The following NAALADL2 variants were observed in gnomAD, a reference collection of about 807,000 sequenced individuals.
NAALADL2 encodes the protein inactive N-acetylated-alpha-linked acidic dipeptidase-like protein 2.
Under a neutral mutation model 87.2 loss-of-function variants are expected in NAALADL2, and 76 were observed. That is an observed-to-expected ratio of 0.87 (90% CI 0.72 to 1.05). NAALADL2 has a LOEUF of 1.05. NAALADL2 is among the 50% of genes least tolerant of loss of function. The pLI is 0.00. For missense variants in NAALADL2, 1,089 were observed against 945.8 expected, an observed-to-expected ratio of 1.15 and a Z score of -1.99; for synonymous variants, 354 against 331.0, an observed-to-expected ratio of 1.07 and a Z score of -0.75.
At chr3:175,380,292 AG>A (rs1767644018) in intron 5 of NAALADL2, among the ~76,000 whole-genome samples, 1 of 152,106 alleles carries the variant, frequency 6.6e-6, no homozygotes, top group South Asian at 2.1e-4. Context: ...CTACCCCACA[AG>A]GTTGCCCTAG....
chr3:175,008,970 C>A (rs1487478853), intron 1 of NAALADL2, among the ~76,000 whole-genome samples: 1 of 152,072 alleles, frequency 6.6e-6, no homozygotes, highest in Non-Finnish European at 1.5e-5. Flanking sequence ...TGAAAAAAGA[C>A]AAATCTAAAT....
intron 3 of NAALADL2, among the ~76,000 whole-genome samples, chr3:174,755,847 T>C (rs748395460): frequency 3.9e-5 from 6 of 152,262 alleles, no homozygotes; most frequent in Non-Finnish European, 8.8e-5. Context: ...TTAATGTCTA[T>C]GATTTCACTT....
intron 11 of NAALADL2, among the ~76,000 whole-genome samples, chr3:175,727,766 A>G (rs550157993): frequency 3.9e-5 from 6 of 152,330 alleles, no homozygotes; most frequent in African/African-American, 1.4e-4. Context: ...AAATGTAAGC[A>G]GTGGAAGCAA....
At chr3:174,873,485 C>A (rs1466442732) in intron 1 of NAALADL2, among the ~76,000 whole-genome samples, 2 of 152,004 alleles carry the variant, frequency 1.3e-5, no homozygotes, top group African/African-American at 4.8e-5. Flanking sequence ...GAACTCCCGA[C>A]CTTGCGATCC....
intron 11 of NAALADL2, among the ~76,000 whole-genome samples, chr3:175,722,368 C>G (rs767281446): frequency 2.6e-5 from 4 of 151,978 alleles, no homozygotes; most frequent in Non-Finnish European, 5.9e-5. Context: ...TAAAGTTATT[C>G]CATGAATGAC....
chr3:174,618,296 G>A (rs369766423), intron 2 of NAALADL2, among the ~76,000 whole-genome samples: 7 of 151,826 alleles, frequency 4.6e-5, no homozygotes, highest in South Asian at 2.1e-4. Flanking sequence ...TAGAGAGAAG[G>A]TTGAATAAAG....
intron 4 of NAALADL2, among the ~76,000 whole-genome samples, chr3:175,296,711 A>T (rs1050040208): frequency 9.9e-5 from 15 of 152,178 alleles, no homozygotes; most frequent in Non-Finnish European, 1.5e-4. Flanking sequence ...CTGTATTTTG[A>T]ATATGCTCAC....
intron 3 of NAALADL2, among the ~76,000 whole-genome samples, chr3:174,776,624 T>A (rs1182721881): frequency 6.6e-6 from 1 of 152,182 alleles, no homozygotes; most frequent in African/African-American, 2.4e-5. Flanking sequence ...TGGGAACTTG[T>A]AATGATACAT....
chr3:175,383,027 A>AT (rs1032715745), intron 5 of NAALADL2, among the ~76,000 whole-genome samples: 6 of 152,072 alleles, frequency 3.9e-5, no homozygotes, highest in African/African-American at 7.2e-5. Flanking sequence ...TTTGGATCAT[A>AT]TTTTTTCTTT....
intron 5 of NAALADL2, among the ~76,000 whole-genome samples, chr3:175,399,506 G>T (rs914629633): frequency 1.3e-5 from 2 of 152,108 alleles, no homozygotes; most frequent in Non-Finnish European, 2.9e-5. Context: ...TAAACAAGGG[G>T]TGGATTATTC....
At chr3:174,600,271 G>A (rs983588567) in intron 2 of NAALADL2, among the ~76,000 whole-genome samples, 2 of 151,956 alleles carry the variant, frequency 1.3e-5, no homozygotes, top group African/African-American at 2.4e-5. Context: ...CCTTTAGCAC[G>A]GGGATTAAGT....
chr3:174,451,843 G>GTTTTT (rs764587503), intron 1 of NAALADL2, among the ~76,000 whole-genome samples: 13 of 98,086 alleles, frequency 1.3e-4, no homozygotes, highest in African/African-American at 4.5e-4. Context: ...GATAGTGGGA[G>GTTTTT]TTTTTTTTTT....
chr3:175,569,574 A>AG, intron 9 of NAALADL2, among the ~76,000 whole-genome samples: 1 of 152,118 alleles, frequency 6.6e-6, no homozygotes, highest in Non-Finnish European at 1.5e-5. Context: ...ATGGAGCCCT[A>AG]GTGAATGAAA....
intron 2 of NAALADL2, among the ~76,000 whole-genome samples, chr3:175,101,262 T>C (rs989818126): frequency 2.6e-5 from 4 of 152,224 alleles, no homozygotes; most frequent in Non-Finnish European, 5.9e-5. Flanking sequence ...TATTCTCCAA[T>C]ACACTATTCT....
At chr3:175,574,076 TA>T (rs1352058784) in intron 9 of NAALADL2, among the ~76,000 whole-genome samples, 2 of 152,190 alleles carry the variant, frequency 1.3e-5, no homozygotes, top group Non-Finnish European at 2.9e-5. Flanking sequence ...AGATAGTTAT[TA>T]AAACATTATT....
chr3:175,326,001 T>G (rs1760662060), intron 5 of NAALADL2, among the ~76,000 whole-genome samples: 1 of 152,240 alleles, frequency 6.6e-6, no homozygotes, highest in African/African-American at 2.4e-5. Flanking sequence ...TCTGTTCTAC[T>G]TCTCTTTTAA....
intron 5 of NAALADL2, among the ~76,000 whole-genome samples, chr3:175,350,938 AC>A (rs1763691556): frequency 6.6e-6 from 1 of 152,128 alleles, no homozygotes; most frequent in African/African-American, 2.4e-5. Context: ...TTATCCTGGT[AC>A]TTTTTTTCAT....
rs1245475244 is a variant in NAALADL2 at position 175,698,416 on chromosome 3, TATAC to T, written c.1897-38886_1897-38883del. On this transcript the variant is annotated intron_variant, in intron 11 of 13. Transcript: ENST00000454872. Reference sequence around the variant, plus strand: ...ACATATGTATGTGTATTTATGTATGTATACATATGTATGTGTATATATTTATGTA... The same window carrying T: ...ACATATGTATGTGTATTTATGTATGTATATGTATGTGTATATATTTATGTA... Among the ~76,000 whole-genome samples the T allele has an allele frequency of 3.1e-5, 2 of 64,864 alleles. 1 individual carries two copies. The highest frequency in any genetic ancestry group is 3.2e-4 in the African/African-American group (2 of 6,192). 42.6% of individuals were successfully genotyped at this position (64,864 alleles called of 152,430 possible).
intron 3 of NAALADL2, among the ~76,000 whole-genome samples, chr3:175,245,694 G>A (rs977100103): frequency 1.3e-5 from 2 of 152,122 alleles, no homozygotes; most frequent in African/African-American, 4.8e-5. Flanking sequence ...TGATAAAATT[G>A]AGAAGTCACC....
Sources: gnomAD v4.1 joint callset for allele counts (sites outside exome capture counted in the v4.1 genomes callset) on GRCh38, gnomAD v4.1.1 for gene constraint, MANE v1.5 for transcripts, NCBI Gene and HGNC (gene_info 2026-07-23, HGNC 2026-07-21) for gene names.